Variants in UNC13A observed in about 807,000 individuals in gnomAD.
UNC13A encodes protein unc-13 homolog A.
Under a neutral mutation model 219.7 loss-of-function variants are expected in UNC13A, and 61 were observed. The observed-to-expected ratio is 0.28, with a 90% CI of 0.23 to 0.34. UNC13A has a LOEUF of 0.34. UNC13A is among the 10% of genes least tolerant of loss of function. UNC13A has a pLI of 1.00. For missense variants in UNC13A, 1,476 were observed against 2,270.3 expected, an observed-to-expected ratio of 0.65 and a Z score of 7.11; for synonymous variants, 920 against 884.6, an observed-to-expected ratio of 1.04 and a Z score of -0.71.
At chr19:17,629,971 A>C (rs1031556429) in intron 30 of UNC13A, among the ~76,000 whole-genome samples, 174 bp downstream of exon 30, 1 of 151,788 alleles carries the variant, frequency 6.6e-6, no homozygotes, top group African/African-American at 2.4e-5. Flanking sequence ...TCTCAACCTC[A>C]ACCTCAACCC....
chr19:17,613,440 A>C (rs1362255268), intron 41 of UNC13A, among the ~76,000 whole-genome samples: 9 of 152,026 alleles, frequency 5.9e-5, no homozygotes, highest in African/African-American at 2.2e-4. Flanking sequence ...AAACTCTTCC[A>C]TGGCTCCCAC....
At chr19:17,666,553 T>A in intron 7 of UNC13A, 97 bp downstream of exon 7, 1 of 935,120 alleles carries the variant, frequency 1.1e-6, no homozygotes, top group Non-Finnish European at 1.5e-6. Context: ...AGGACTTGTA[T>A]CTCCGGACTG....
At chr19:17,662,865 A>G (rs2039674297) in intron 8 of UNC13A, among the ~76,000 whole-genome samples, 1 of 148,100 alleles carries the variant, frequency 6.8e-6, no homozygotes, top group African/African-American at 2.5e-5. Flanking sequence ...GCTTGCGGTG[A>G]GCTGAGATCG....
chr19:17,666,887 A>AC (rs1195265013), intron 6 of UNC13A, among the ~76,000 whole-genome samples, 183 bp from the exon 7 acceptor site: 85 of 61,720 alleles, frequency 1.4e-3, no homozygotes, highest in African/African-American at 6.1e-3. Context: ...CACACGAGAG[A>AC]GAGAGAGAGA....
chr19:17,607,093 G>A (rs2076539767), intron 43 of UNC13A, among the ~76,000 whole-genome samples: 1 of 151,934 alleles, frequency 6.6e-6, no homozygotes, highest in South Asian at 2.1e-4. Context: ...CTCCTCCTGA[G>A]TATCCCCTAA....
intron 22 of UNC13A, among the ~76,000 whole-genome samples, 156 bp downstream of exon 22, chr19:17,640,355 C>T (rs80347068): frequency 0.019 from 2,964 of 152,204 alleles, 47 homozygotes; most frequent in Non-Finnish European, 0.031. Flanking sequence ...CTATAGCATT[C>T]TACAGAGGAA....
At chr19:17,643,725 C>T (rs912284661) in intron 19 of UNC13A, among the ~76,000 whole-genome samples, 4 of 152,172 alleles carry the variant, frequency 2.6e-5, no homozygotes, top group African/African-American at 9.7e-5. Flanking sequence ...TTCCTTCAAA[C>T]AAGGATCCCA....
chr19:17,638,737 G>A (rs1356063326), intron 25 of UNC13A, among the ~76,000 whole-genome samples: 1 of 151,806 alleles, frequency 6.6e-6, no homozygotes, highest in Non-Finnish European at 1.5e-5. Flanking sequence ...TCTGAGGCAG[G>A]AGAATCATTT....
chr19:17,647,862 CTGAG>C (rs1435194424), intron 16 of UNC13A, among the ~76,000 whole-genome samples: 1 of 145,276 alleles, frequency 6.9e-6, no homozygotes, highest in East Asian at 2.1e-4. Context: ...TCCCACCCCT[CTGAG>C]TCCCGCTGCC....
chr19:17,668,359 G>C (rs966075178), intron 5 of UNC13A, among the ~76,000 whole-genome samples, 169 bp from the exon 6 acceptor site: 9 of 152,220 alleles, frequency 5.9e-5, no homozygotes, highest in Non-Finnish European at 1.3e-4. Flanking sequence ...TGGAGATGAA[G>C]GGGAGGTACC....
chr19:17,639,663 G>A (rs185816011), intron 23 of UNC13A, 138 bp from the exon 24 acceptor site: 26 of 1,174,264 alleles, frequency 2.2e-5, no homozygotes, highest in Non-Finnish European at 3.0e-5. Context: ...CTGGGGATCT[G>A]CTTGGATGCA....
chr19:17,637,409 T>C (rs867362939), intron 25 of UNC13A, among the ~76,000 whole-genome samples: 1 of 152,000 alleles, frequency 6.6e-6, no homozygotes, highest in Non-Finnish European at 1.5e-5. Context: ...ACCATTCTCC[T>C]GCCTCAGCCT....
chr19:17,630,532 C>T, intron 29 of UNC13A, 122 bp downstream of exon 29: 2 of 1,238,852 alleles, frequency 1.6e-6, no homozygotes, highest in African/African-American at 3.0e-5. Context: ...ATTTTAAAAA[C>T]CATGAGCAAG....
chr19:17,669,310 G>A (rs151091204), intron 5 of UNC13A, among the ~76,000 whole-genome samples: 50 of 152,244 alleles, frequency 3.3e-4, no homozygotes, highest in African/African-American at 1.1e-3. Flanking sequence ...GAACGCCCTC[G>A]GTCGTGAAGC....
At chr19:17,613,312 G>A (rs925479623) in intron 41 of UNC13A, among the ~76,000 whole-genome samples, 1 of 152,068 alleles carries the variant, frequency 6.6e-6, no homozygotes, top group African/African-American at 2.4e-5. Flanking sequence ...AGGAGGCTGA[G>A]GCAGGAGGAT....
intron 28 of UNC13A, 72 bp from the exon 29 acceptor site, chr19:17,630,822 C>T (rs1215604541): frequency 2.8e-6 from 4 of 1,409,202 alleles, no homozygotes; most frequent in Non-Finnish European, 4.0e-6. Flanking sequence ...CTGGTTCTGA[C>T]CCACTAACGA....
rs142003261 is a variant in UNC13A, at chr19:17,603,928, C to CA, written c.*2125dup. ...CAGGGTTCAAACAATTCTCCCGCCT[C>CA]AGTCTCCTGAGTAGCTGGGACTACA... On this transcript the variant is annotated 3_prime_UTR_variant, in exon 44 of 44. Coordinates refer to ENST00000519716, the MANE Select transcript of UNC13A (RefSeq NM_001080421.3). 0.059 allele frequency: 8,964 copies of CA among 152,090 alleles called. 317 individuals are homozygous for CA. The highest frequency in any genetic ancestry group is 0.11 in the Middle Eastern group (34 of 298). 9.4% of individuals were successfully genotyped at this position (152,090 alleles called of 1,614,324 possible).
intron 4 of UNC13A, 117 bp from the exon 5 acceptor site, chr19:17,669,793 C>T (rs8110254): frequency 0.89 from 1,061,265 of 1,192,034 alleles, 476,558 homozygotes; most frequent in African/African-American, 0.95. Flanking sequence ...AAGTCATGTC[C>T]CCTCTCTATC....
At chr19:17,668,059 A>G in intron 6 of UNC13A, 58 bp downstream of exon 6, 1 of 1,555,674 alleles carries the variant, frequency 6.4e-7, no homozygotes, top group Non-Finnish European at 8.8e-7. Context: ...AGTGAAAATC[A>G]TGGGGAGACA....
Sources: allele counts gnomAD v4.1 joint callset (sites outside exome capture counted in the v4.1 genomes callset), GRCh38; gene constraint gnomAD v4.1.1; transcripts MANE v1.5; gene names NCBI Gene and HGNC (gene_info 2026-07-23, HGNC 2026-07-21).